Variants in ELOVL6 observed in about 807,000 individuals in gnomAD.
ELOVL6 encodes the protein ELOVL fatty acid elongase 6.
In ELOVL6, 8 loss-of-function variants were observed where a neutral mutation model predicts 31.7. The ratio of observed to expected loss-of-function variants is 0.25; its 90% CI spans 0.15 to 0.45. The LOEUF is 0.45. Ranked by LOEUF, ELOVL6 falls within the 20% of genes least tolerant of loss-of-function variation. The probability of loss-of-function intolerance (pLI) is 1.00; values close to 1 mark genes in which losing one functional copy is unlikely to be tolerated. For synonymous variants in ELOVL6, 101 were observed against 117.7 expected, an observed-to-expected ratio of 0.86 and a Z score of 0.92; for missense variants, 126 against 326.4, an observed-to-expected ratio of 0.39 and a Z score of 4.73.
At chr4:110,127,194 G>A (rs1757523022) in intron 1 of ELOVL6, among the ~76,000 whole-genome samples, 1 of 151,814 alleles carries the variant, frequency 6.6e-6, no homozygotes, top group Admixed American at 6.6e-5. Context: ...GGATCACAAG[G>A]TCAGGAGTTC....
chr4:110,120,958 G>T lies in ELOVL6; in HGVS notation c.90-15330C>A, dbSNP rs1484944514. On this transcript the variant is annotated intron_variant, in intron 1 of 3. Coordinates refer to ENST00000302274, the MANE Select transcript of ELOVL6 (RefSeq NM_024090.3). ...TGGGATTACAGGCGCCTGCCACCAC[G>T]CCTGGCTAATTTTCGTATTTTTAGT... Among the ~76,000 whole-genome samples the T allele has an allele frequency of 3.3e-5, 5 of 151,836 alleles. No homozygotes were observed. In the South Asian group the frequency reaches 1.0e-3, roughly 32 times the overall value.
chr4:110,093,030 A>G, intron 2 of ELOVL6: 1 of 406,528 alleles, frequency 2.5e-6, no homozygotes, highest in South Asian at 1.8e-5. Flanking sequence ...TATTTCAACC[A>G]AGTTTCAAAA....
intron 2 of ELOVL6, among the ~76,000 whole-genome samples, chr4:110,104,755 G>T (rs1043499841): frequency 2.0e-5 from 3 of 152,118 alleles, no homozygotes; most frequent in Admixed American, 2.0e-4. Flanking sequence ...GTAAATCCTG[G>T]CACTTGCTTG....
intron 2 of ELOVL6, among the ~76,000 whole-genome samples, chr4:110,101,072 C>T (rs1232538356): frequency 6.6e-6 from 1 of 152,190 alleles, no homozygotes; most frequent in African/African-American, 2.4e-5. Context: ...GACAGTCTTG[C>T]TCTGTAGTCC....
intron 1 of ELOVL6, among the ~76,000 whole-genome samples, chr4:110,171,533 C>G (rs943782909): frequency 2.0e-5 from 3 of 152,052 alleles, no homozygotes; most frequent in South Asian, 4.2e-4. Context: ...ATAAGAAGCT[C>G]AAGATTGGGT....
At position 110,132,939 on chromosome 4, in the gene ELOVL6, G is replaced by A. The variant is rs149222047; in HGVS notation, c.90-27311C>T. 7.0e-3 allele frequency among the ~76,000 whole-genome samples: 1,061 copies of A among 152,180 alleles called. 9 individuals are homozygous for A. Among genetic ancestry groups the A allele is most frequent in the African/African-American group, 0.025 (1,022 of 41,518 alleles). ...ATGGAAAGAAATCTACAGGGTGTGG[G>A]ACATAGAAATATCAGGGCTAAAGAT... On this transcript the variant is annotated intron_variant, in intron 1 of 3. Coordinates refer to ENST00000302274, the MANE Select transcript of ELOVL6 (RefSeq NM_024090.3).
In ELOVL6 at chr4:110,171,910, G is replaced by A. The variant is rs567815899; in HGVS notation, c.89+26337C>T. On this transcript the variant is annotated intron_variant, in intron 1 of 3. Transcript: ENST00000302274. The stretch of plus-strand genomic sequence containing the variant: ...TCACTATATTGCCCAGGCTGGTCTC[G>A]AATTTCTGGGCTCAAGCAATCCTCC... 5.9e-5 allele frequency among the ~76,000 whole-genome samples: 9 copies of A among 151,884 alleles called. 1 individual carries two copies. In the South Asian group the frequency reaches 1.7e-3, roughly 28 times the overall value.
In ELOVL6 at chr4:110,076,961, C is replaced by A. The variant is rs557332498; in HGVS notation, c.222-17207G>T. ...ATATCCCGTGACTGGCTCGGAGGGTCCTACGCCCACAGAGCCTCGCTCATT... is the reference window on the plus strand; with the variant it reads ...ATATCCCGTGACTGGCTCGGAGGGTACTACGCCCACAGAGCCTCGCTCATT... On this transcript the variant is annotated intron_variant, in intron 2 of 3. Coordinates refer to ENST00000302274, the MANE Select transcript of ELOVL6 (RefSeq NM_024090.3). 1.2e-4 allele frequency among the ~76,000 whole-genome samples: 18 copies of A among 152,320 alleles called. No homozygotes were observed. In the East Asian group the frequency reaches 2.3e-3, roughly 20 times the overall value.
intron 3 of ELOVL6, among the ~76,000 whole-genome samples, chr4:110,056,690 A>G (rs1754995692): frequency 6.6e-6 from 1 of 152,224 alleles, no homozygotes; most frequent in African/African-American, 2.4e-5. Flanking sequence ...TTTTAACTGC[A>G]TCGATTATTG....
intron 1 of ELOVL6, among the ~76,000 whole-genome samples, chr4:110,155,373 A>T (rs897978180): frequency 1.3e-5 from 2 of 152,224 alleles, no homozygotes; most frequent in African/African-American, 4.8e-5. Flanking sequence ...AGCCCTAGAG[A>T]CTGAGAGCAT....
intron 1 of ELOVL6, among the ~76,000 whole-genome samples, chr4:110,171,411 A>AAAATAAATAAAT (rs59222203): frequency 0.028 from 4,075 of 146,454 alleles, 160 homozygotes; most frequent in Admixed American, 0.076. Flanking sequence ...CTCCATCTCA[A>AAAATAAATAAAT]AAATAAATAA....
intron 1 of ELOVL6, among the ~76,000 whole-genome samples, chr4:110,167,855 G>GA (rs1327019677): frequency 1.3e-5 from 2 of 152,024 alleles, no homozygotes; most frequent in African/African-American, 4.8e-5. Context: ...CTTTTGGAGA[G>GA]AAAAAATAAA....
chr4:110,089,309 T>C (rs11726328), intron 2 of ELOVL6, among the ~76,000 whole-genome samples: 20,279 of 152,114 alleles, frequency 0.13, 1,431 homozygotes, highest in African/African-American at 0.15. Flanking sequence ...TTTGAACCAC[T>C]CGGGCCCACT....
At chr4:110,144,545 A>C (rs1055664485) in intron 1 of ELOVL6, among the ~76,000 whole-genome samples, 1 of 152,218 alleles carries the variant, frequency 6.6e-6, no homozygotes, top group Non-Finnish European at 1.5e-5. Flanking sequence ...TGAGCCCATC[A>C]GAGTACAGAT....
At chr4:110,080,050 G>C (rs1755784250) in intron 2 of ELOVL6, among the ~76,000 whole-genome samples, 1 of 152,134 alleles carries the variant, frequency 6.6e-6, no homozygotes, top group Non-Finnish European at 1.5e-5. Flanking sequence ...GGAGGAAGTT[G>C]AATCTCTGAA....
chr4:110,187,198 T>G (rs912761830), intron 1 of ELOVL6, among the ~76,000 whole-genome samples: 1 of 151,856 alleles, frequency 6.6e-6, no homozygotes, highest in Non-Finnish European at 1.5e-5. Context: ...CCTTTTCCTA[T>G]GGAAAACTCC....
intron 1 of ELOVL6, 148 bp downstream of exon 1, chr4:110,198,099 C>T (rs1477456352): frequency 3.6e-6 from 2 of 551,074 alleles, no homozygotes; most frequent in Non-Finnish European, 6.7e-6. Context: ...GCGTCTCCTG[C>T]ACCCGGGAGA....
rs575456342 is a variant in ELOVL6, at chr4:110,164,747, A to C, written c.89+33500T>G. Among the ~76,000 whole-genome samples, 126 of 125,166 alleles carry C rather than the reference A, an allele frequency of 1.0e-3. 4 individuals are homozygous for C. In the South Asian group the frequency reaches 0.032, roughly 32 times the overall value. The allele number at this position is 125,166 out of a possible 152,430, so 82.1% of individuals were successfully genotyped here. On this transcript the variant is annotated intron_variant, in intron 1 of 3. Coordinates refer to ENST00000302274, the MANE Select transcript of ELOVL6 (RefSeq NM_024090.3). The stretch of plus-strand genomic sequence containing the variant: ...AAGTGGGACCCTGTCTCAAAAAAAA[A>C]AAAAAAAAGAAAAAAAAAAAAACAC...
At chr4:110,060,089 T>C (rs894553396) in intron 2 of ELOVL6, 2 of 184,510 alleles carry the variant, frequency 1.1e-5, no homozygotes, top group African/African-American at 4.7e-5. Context: ...GGAGAGCAGA[T>C]GGGTGTGGCT....
Sources: gnomAD v4.1 joint callset for allele counts (sites outside exome capture counted in the v4.1 genomes callset) on GRCh38, gnomAD v4.1.1 for gene constraint, MANE v1.5 for transcripts, NCBI Gene and HGNC (gene_info 2026-07-23, HGNC 2026-07-21) for gene names.